Variants in SYTL2 observed in about 807,000 individuals in gnomAD.
SYTL2 encodes the protein synaptotagmin like 2, also known as synaptotagmin-like protein 2.
In SYTL2, 165 loss-of-function variants were observed where a neutral mutation model predicts 198.7. That is an observed-to-expected ratio of 0.83 (90% CI 0.73 to 0.94). The LOEUF is 0.94. Ranked by LOEUF, SYTL2 falls within the 40% of genes least tolerant of loss-of-function variation. The probability of loss-of-function intolerance (pLI) is 0.00; values close to 1 mark genes in which losing one functional copy is unlikely to be tolerated. For synonymous variants in SYTL2, 966 were observed against 917.7 expected (o/e 1.05, Z -0.95); for missense variants, 2,835 against 2,582.8 (o/e 1.10, Z -2.12).
Position 85,726,957 on chromosome 11 carries a change from C to T in SYTL2, c.2401G>A (p.Gly801Arg). 6.5e-7 allele frequency: 1 copy of T among 1,536,628 alleles called. No homozygotes were observed. The highest frequency in any genetic ancestry group is 1.7e-4 in the Middle Eastern group (1 of 5,996). ...GTTATCTTAGCACCAGCTTTCTCTC[C>T]TTCCCAAAAGGATATTCTGTCACTC... The part of the protein sequence containing the change: ...RVSDRISFWE[G>R]EKAGAKITHE... The change falls in exon 8 of 20, where the codon GGA (glycine) becomes AGA (arginine). Residue 801 changes from glycine (G) to arginine (R), a missense_variant. Gly to Arg is a moderately radical substitution (Grantham distance 125). Around this residue, in one of 3 missense-constraint regions of SYTL2, gnomAD observed 2,645 missense variants for 2,381.7 expected, o/e 1.11. Coordinates refer to ENST00000359152, the MANE Select transcript of SYTL2 (RefSeq NM_206927.4).
chr11:85,792,264 C>A (rs2092741753), intron 1 of SYTL2, among the ~76,000 whole-genome samples: 1 of 151,942 alleles, frequency 6.6e-6, no homozygotes, highest in Admixed American at 6.6e-5. Flanking sequence ...GGGGCTCTGC[C>A]AATAGAGTTC....
At chr11:85,850,799 G>A in the SYTL2 span, among the ~76,000 whole-genome samples, 335 of 150,754 alleles carry the variant, frequency 2.2e-3, 1 homozygote, top group African/African-American at 7.8e-3. Flanking sequence ...ATGATAGACT[G>A]GATTAAGAAA....
intron 1 of SYTL2, among the ~76,000 whole-genome samples, chr11:85,784,021 T>C (rs976419945): frequency 1.3e-5 from 2 of 152,218 alleles, no homozygotes; most frequent in Admixed American, 6.5e-5. Context: ...ACCTATCTGA[T>C]GGGCATTACT....
At chr11:85,738,014 AT>A (rs2090492190) in intron 4 of SYTL2, among the ~76,000 whole-genome samples, 1 of 152,174 alleles carries the variant, frequency 6.6e-6, no homozygotes, top group Non-Finnish European at 1.5e-5. Context: ...TGAAGTTGCT[AT>A]TGGCTGAAGC....
chr11:85,769,185 C>T lies in SYTL2; in HGVS notation c.-389-11071G>A, dbSNP rs78702052. The stretch of plus-strand genomic sequence containing the variant: ...TCCAAAGATACCCACATCCTAATCC[C>T]TGGAACCTGAAGATATGCTGCCTTA... On this transcript the variant is annotated intron_variant, in intron 1 of 19. Transcript: ENST00000359152. Among the ~76,000 whole-genome samples, 76 of 152,284 alleles carry T rather than the reference C, an allele frequency of 5.0e-4. 1 individual carries two copies. The highest frequency in any genetic ancestry group is 1.8e-3 in the African/African-American group (76 of 41,556).
At chr11:85,755,745 G>A (rs2091828479) in intron 2 of SYTL2, among the ~76,000 whole-genome samples, 1 of 152,174 alleles carries the variant, frequency 6.6e-6, no homozygotes, top group South Asian at 2.1e-4. Context: ...TCAGCAGCTT[G>A]GAATCCCAGG....
chr11:85,846,831 T>C, the SYTL2 span, among the ~76,000 whole-genome samples: 12 of 150,388 alleles, frequency 8.0e-5, no homozygotes, highest in Non-Finnish European at 1.0e-4. Context: ...CCTCTCGGGT[T>C]CAAGCGATTC....
chr11:85,805,261 TG>T (rs1458990665), intron 1 of SYTL2, among the ~76,000 whole-genome samples: 1 of 146,376 alleles, frequency 6.8e-6, no homozygotes, highest in Non-Finnish European at 1.5e-5. Context: ...GTGGCCAAGG[TG>T]GGAAGACTGC....
chr11:85,775,670 C>T (rs555717609), intron 1 of SYTL2, among the ~76,000 whole-genome samples: 10 of 152,168 alleles, frequency 6.6e-5, no homozygotes, highest in Admixed American at 5.2e-4. Flanking sequence ...TTTACTAAGA[C>T]GGGTTTCACC....
intron 5 of SYTL2, among the ~76,000 whole-genome samples, chr11:85,737,264 G>A (rs1257616716): frequency 6.6e-6 from 1 of 152,142 alleles, no homozygotes. Context: ...ATAGGAATAA[G>A]GACTGACATG....
At chr11:85,739,253 CTTTTT>C (rs34147924) in intron 4 of SYTL2, among the ~76,000 whole-genome samples, 1 of 124,472 alleles carries the variant, frequency 8.0e-6, no homozygotes, top group Non-Finnish European at 1.7e-5. Context: ...AGGAGGCTGG[CTTTTT>C]TTTTTTTTTT....
intron 9 of SYTL2, among the ~76,000 whole-genome samples, chr11:85,720,260 C>G (rs2088088231): frequency 6.6e-6 from 1 of 152,194 alleles, no homozygotes; most frequent in Non-Finnish European, 1.5e-5. Context: ...GGGACTAATT[C>G]AACTCCGTAT....
In SYTL2 at chr11:85,771,838, GCTGATGAGACC is replaced by G. The variant is rs1267710150; in HGVS notation, c.-389-13735_-389-13725del. ...CCTCTTTGCTGAATCACCACAGGGA[GCTGATGAGACC>G]CTGCATGGAAAGACATTTTATAAAG... On this transcript the variant is annotated intron_variant, in intron 1 of 19. Coordinates refer to ENST00000359152, the MANE Select transcript of SYTL2 (RefSeq NM_206927.4). Among the ~76,000 whole-genome samples, 4 of 152,074 alleles carry G rather than the reference GCTGATGAGACC, an allele frequency of 2.6e-5. No homozygotes were observed. In the East Asian group the frequency reaches 7.7e-4, roughly 29 times the overall value.
chr11:85,701,115 A>G (rs1469872777), intron 16 of SYTL2, among the ~76,000 whole-genome samples: 1 of 152,174 alleles, frequency 6.6e-6, no homozygotes, highest in Non-Finnish European at 1.5e-5. Flanking sequence ...AATTTTTTAA[A>G]CTTCTATCTG....
chr11:85,797,757 G>GCTGGCCATACCCCAC (rs1322175132), intron 1 of SYTL2, among the ~76,000 whole-genome samples: 1 of 152,044 alleles, frequency 6.6e-6, no homozygotes, highest in Non-Finnish European at 1.5e-5. Context: ...AGCTTCCCCA[G>GCTGGCCATACCCCAC]CTGGCCATAC....
At chr11:85,833,954 G>A in the SYTL2 span, among the ~76,000 whole-genome samples, 1 of 151,920 alleles carries the variant, frequency 6.6e-6, no homozygotes, top group Non-Finnish European at 1.5e-5. Flanking sequence ...GCCCAGGCTA[G>A]TCTCAAACTC....
rs768755891 is a variant in SYTL2 at position 85,707,411 on chromosome 11, G to T, written c.6018+18C>A. 1.3e-6 allele frequency: 2 copies of T among 1,558,856 alleles called. No individual in the cohort carries two copies. Among genetic ancestry groups the T allele is most frequent in the Non-Finnish European group, 1.8e-6 (2 of 1,130,214 alleles). On this transcript the variant is annotated intron_variant, in intron 15 of 19. Transcript: ENST00000359152. ...GGTCACCATCTAGGATTTTCCTATA[G>T]AGAGAGTTCATAGATACCCGCAGTA...
intron 2 of SYTL2, 101 bp from the exon 3 acceptor site, chr11:85,748,524 G>T (rs2091313845): frequency 7.8e-7 from 1 of 1,278,560 alleles, no homozygotes. Context: ...CAGATAAAAT[G>T]AAGCTTTAAT....
At chr11:85,822,130 C>G in the SYTL2 span, among the ~76,000 whole-genome samples, 77 of 152,216 alleles carry the variant, frequency 5.1e-4, 2 homozygotes, top group Admixed American at 1.5e-3. Context: ...AGTGAGGATA[C>G]TAAGGATCAG....
Sources: gnomAD v4.1 joint callset for allele counts (sites outside exome capture counted in the v4.1 genomes callset) on GRCh38, gnomAD v4.1.1 for gene constraint, gnomAD v4.1.1 regional missense constraint, MANE v1.5 for transcripts, NCBI Gene and HGNC (gene_info 2026-07-23, HGNC 2026-07-21) for gene names.